Variants in CRPPA observed in about 807,000 individuals in gnomAD.
The protein encoded by CRPPA is D-ribitol-5-phosphate cytidylyltransferase.
A neutral mutation model predicts 52.0 loss-of-function variants in CRPPA; 43 were observed. The ratio of observed to expected loss-of-function variants is 0.83; its 90% CI spans 0.65 to 1.07. The LOEUF is 1.07. CRPPA is among the 50% of genes least tolerant of loss of function. CRPPA has a pLI of 0.00. For synonymous variants in CRPPA, 250 were observed against 203.5 expected (o/e 1.23, Z -1.94); for missense variants, 629 against 551.7 (o/e 1.14, Z -1.40).
intron 9 of CRPPA, among the ~76,000 whole-genome samples, chr7:16,149,450 T>C (rs1490161262): frequency 6.6e-6 from 1 of 152,330 alleles, no homozygotes; most frequent in East Asian, 1.9e-4. Context: ...GCATATGTCC[T>C]TTTCCTGCCA....
chr7:16,304,924 G>A (rs1424132202), intron 4 of CRPPA, among the ~76,000 whole-genome samples: 1 of 152,110 alleles, frequency 6.6e-6, no homozygotes, highest in Non-Finnish European at 1.5e-5. Context: ...TTTGAATCAT[G>A]TTTCAAGTAC....
intron 1 of CRPPA, among the ~76,000 whole-genome samples, chr7:16,414,688 A>T (rs1788151057): frequency 6.6e-6 from 1 of 152,246 alleles, no homozygotes; most frequent in Non-Finnish European, 1.5e-5. Context: ...TCTTGTTAGT[A>T]AAAGGCGAAA....
At chr7:16,194,632 T>G (rs1286367117) in intron 9 of CRPPA, among the ~76,000 whole-genome samples, 1 of 152,174 alleles carries the variant, frequency 6.6e-6, no homozygotes, top group Non-Finnish European at 1.5e-5. Context: ...TGTTTTATTT[T>G]GCTGTATTGC....
intron 1 of CRPPA, among the ~76,000 whole-genome samples, chr7:16,419,800 C>A (rs1788283623): frequency 6.6e-6 from 1 of 152,008 alleles, no homozygotes; most frequent in Admixed American, 6.6e-5. Flanking sequence ...GAGCCTCTAC[C>A]CGCCAAATTA....
At chr7:16,163,022 G>A (rs1780944912) in intron 9 of CRPPA, among the ~76,000 whole-genome samples, 1 of 132,332 alleles carries the variant, frequency 7.6e-6, no homozygotes, top group Non-Finnish European at 1.5e-5. Context: ...TGCCCAGGCT[G>A]GAGTGCAGTG....
At chr7:16,258,709 A>G (rs1783712493) in intron 7 of CRPPA, among the ~76,000 whole-genome samples, 1 of 152,074 alleles carries the variant, frequency 6.6e-6, no homozygotes, top group Non-Finnish European at 1.5e-5. Context: ...GACCAGGTAC[A>G]AACAAAATTG....
At chr7:16,158,568 T>A (rs1389296584) in intron 9 of CRPPA, among the ~76,000 whole-genome samples, 2 of 152,202 alleles carry the variant, frequency 1.3e-5, no homozygotes, top group Non-Finnish European at 2.9e-5. Flanking sequence ...ATGTTTTTTA[T>A]ATCTAAAAGA....
intron 9 of CRPPA, among the ~76,000 whole-genome samples, chr7:16,208,185 C>T (rs1259505913): frequency 6.6e-6 from 1 of 152,100 alleles, no homozygotes; most frequent in Non-Finnish European, 1.5e-5. Context: ...AAACATAAAA[C>T]TCATAAAGTG....
chr7:16,284,397 G>A lies in CRPPA; in HGVS notation c.836-6171C>T, dbSNP rs187401286. Among the ~76,000 whole-genome samples the A allele has an allele frequency of 3.9e-3, 600 of 152,194 alleles. 5 individuals are homozygous for A. The highest frequency in any genetic ancestry group is 0.014 in the African/African-American group (570 of 41,548). ...GATAATGTGTAAAACTATTTCTAGT[G>A]CCTGGTACAAGAAAACACCTAATAG... On this transcript the variant is annotated intron_variant, in intron 5 of 9. Transcript: ENST00000407010.
chr7:16,322,910 G>A (rs911416599), intron 3 of CRPPA, among the ~76,000 whole-genome samples: 9 of 152,086 alleles, frequency 5.9e-5, no homozygotes, highest in African/African-American at 2.2e-4. Flanking sequence ...ATGGCAGAAG[G>A]TACCCCTTCA....
chr7:16,318,392 G>A (rs1031028320), intron 3 of CRPPA, among the ~76,000 whole-genome samples: 2 of 152,058 alleles, frequency 1.3e-5, no homozygotes, highest in African/African-American at 4.8e-5. Context: ...GGTCAGTTAT[G>A]AAAAAAAGTC....
chr7:16,106,123 C>T (rs1782146053), intron 9 of CRPPA, among the ~76,000 whole-genome samples: 1 of 152,208 alleles, frequency 6.6e-6, no homozygotes, highest in Admixed American at 6.5e-5. Context: ...GGGGTTCCAC[C>T]CAGCCTAAAA....
At chr7:16,300,432 T>C (rs2128422686) in intron 5 of CRPPA, among the ~76,000 whole-genome samples, 1 of 152,336 alleles carries the variant, frequency 6.6e-6, no homozygotes, top group East Asian at 1.9e-4. Context: ...AAGAAATCAG[T>C]TACTAACACA....
At chr7:16,186,820 T>C (rs1452076444) in intron 9 of CRPPA, among the ~76,000 whole-genome samples, 9 of 152,140 alleles carry the variant, frequency 5.9e-5, no homozygotes, top group Non-Finnish European at 2.9e-5. Flanking sequence ...GAGCAAAATC[T>C]AGAAAACTCA....
At chr7:16,400,808 C>A (rs1213942416) in intron 2 of CRPPA, among the ~76,000 whole-genome samples, 1 of 152,224 alleles carries the variant, frequency 6.6e-6, no homozygotes, top group Non-Finnish European at 1.5e-5. Context: ...CAACACATGC[C>A]TGACACGTGT....
intron 5 of CRPPA, among the ~76,000 whole-genome samples, chr7:16,281,809 G>C (rs1484951409): frequency 1.3e-5 from 2 of 152,172 alleles, no homozygotes; most frequent in Non-Finnish European, 2.9e-5. Flanking sequence ...TCTCAGGTTA[G>C]TAAGGTGTAT....
chr7:16,415,806 G>C (rs1788179050), intron 1 of CRPPA, among the ~76,000 whole-genome samples: 1 of 152,178 alleles, frequency 6.6e-6, no homozygotes, highest in South Asian at 2.1e-4. Context: ...GGTCAAGGAA[G>C]TAGTGGAAAC....
At chr7:16,418,993 T>C (rs936283911) in intron 1 of CRPPA, among the ~76,000 whole-genome samples, 2 of 152,228 alleles carry the variant, frequency 1.3e-5, no homozygotes, top group South Asian at 2.1e-4. Flanking sequence ...CCAAGACCCA[T>C]TGTGTCCCAC....
At chr7:16,137,006 T>C (rs772272308) in intron 9 of CRPPA, among the ~76,000 whole-genome samples, 1 of 152,234 alleles carries the variant, frequency 6.6e-6, no homozygotes, top group South Asian at 2.1e-4. Context: ...AGAACTGAGA[T>C]GCTCAACTCT....
Sources: allele counts gnomAD v4.1 joint callset (sites outside exome capture counted in the v4.1 genomes callset), GRCh38; gene constraint gnomAD v4.1.1; transcripts MANE v1.5; gene names NCBI Gene and HGNC (gene_info 2026-07-23, HGNC 2026-07-21).